Variants in DNAH8 observed in about 807,000 individuals in gnomAD.
DNAH8 encodes the protein axonemal beta dynein heavy chain 8.
DNAH8 carries 382 observed loss-of-function variants against 562.1 expected under a neutral mutation model. That is an observed-to-expected ratio of 0.68 (90% CI 0.63 to 0.74). The LOEUF (loss-of-function observed/expected upper bound fraction) is 0.74. Among genes scored for constraint, DNAH8 ranks in the 30% least tolerant of loss-of-function variants. DNAH8 has a pLI of 0.00. For missense variants in DNAH8, 5,203 were observed against 5,620.4 expected, an observed-to-expected ratio of 0.93 and a Z score of 2.37; for synonymous variants, 1,881 against 1,919.4, an observed-to-expected ratio of 0.98 and a Z score of 0.52.
At position 38,790,320 on chromosome 6, in the gene DNAH8, T is replaced by C. The variant is rs1238710633; in HGVS notation, c.2696T>C (p.Val899Ala). ...TCTGTGTTGAGGCAAGGACTCACAG[T>C]GTTAACATGGTCGTCTTTAACACTG... ...VESVLRQGLT[V>A]LTWSSLTLES... Residue 899 changes from valine to alanine, a missense_variant, in exon 20 of 93, where the codon GTG becomes GCG. Physicochemically the swap from Val to Ala is moderately conservative, Grantham distance 64. This residue lies in a region of DNAH8 where 2,176 missense variants were observed against 2,365.1 expected (regional missense o/e 0.92). Transcript: ENST00000327475. The C allele has an allele frequency of 6.2e-7, 1 of 1,609,164 alleles. No individual in the cohort carries two copies. Among genetic ancestry groups the C allele is most frequent in the East Asian group, 2.2e-5 (1 of 44,802 alleles).
intron 91 of DNAH8, among the ~76,000 whole-genome samples, chr6:39,013,406 G>A (rs888678990): frequency 6.6e-6 from 1 of 152,170 alleles, no homozygotes; most frequent in African/African-American, 2.4e-5. Context: ...CAATATAGGT[G>A]CATCTCATAA....
chr6:38,988,063 A>G (rs1291525663), intron 87 of DNAH8, among the ~76,000 whole-genome samples: 2 of 152,134 alleles, frequency 1.3e-5, no homozygotes, highest in Non-Finnish European at 2.9e-5. Context: ...AGAGTTGCCC[A>G]TGGGAGAAGC....
chr6:38,871,654 C>T (rs960855567), intron 49 of DNAH8, among the ~76,000 whole-genome samples: 9 of 152,086 alleles, frequency 5.9e-5, no homozygotes, highest in African/African-American at 2.2e-4. Flanking sequence ...AAACTGCAGA[C>T]GGGATGTTAT....
chr6:38,819,532 T>A (rs2150329543), intron 26 of DNAH8, among the ~76,000 whole-genome samples: 1 of 152,312 alleles, frequency 6.6e-6, no homozygotes, highest in Admixed American at 6.5e-5. Context: ...AAGACAGATT[T>A]TCCAATAATG....
chr6:38,995,179 A>AT (rs1765057585), intron 88 of DNAH8, among the ~76,000 whole-genome samples: 1 of 151,550 alleles, frequency 6.6e-6, no homozygotes. Context: ...GAATCACATG[A>AT]TTTTCCCCTA....
At chr6:38,856,973 T>G (rs1025661320) in intron 41 of DNAH8, among the ~76,000 whole-genome samples, 6 of 152,140 alleles carry the variant, frequency 3.9e-5, no homozygotes, top group Non-Finnish European at 7.4e-5. Context: ...CTTTATGACT[T>G]CATCAGGATA....
intron 88 of DNAH8, among the ~76,000 whole-genome samples, chr6:39,005,927 C>T (rs1170648949): frequency 2.0e-5 from 3 of 152,264 alleles, no homozygotes; most frequent in African/African-American, 4.8e-5. Context: ...AGTCCAAGGG[C>T]GGGAGGGATT....
chr6:38,957,231 T>G (rs1264479858), intron 82 of DNAH8, among the ~76,000 whole-genome samples: 3 of 151,370 alleles, frequency 2.0e-5, no homozygotes, highest in Non-Finnish European at 4.4e-5. Flanking sequence ...AGTGCATGTG[T>G]GCATACACAC....
chr6:38,815,712 A>G (rs370689307), intron 26 of DNAH8, 55 bp downstream of exon 26: 3 of 1,417,852 alleles, frequency 2.1e-6, no homozygotes, highest in East Asian at 2.5e-5. Context: ...ATTTGATAGC[A>G]TATAGATTTT....
chr6:38,736,591 G>A (rs973359238), intron 5 of DNAH8, among the ~76,000 whole-genome samples: 2 of 152,020 alleles, frequency 1.3e-5, no homozygotes, highest in African/African-American at 4.8e-5. Context: ...GGATTTCTAA[G>A]TCACTTAAGA....
chr6:38,954,112 A>G (rs1762094960), intron 82 of DNAH8, among the ~76,000 whole-genome samples: 1 of 152,210 alleles, frequency 6.6e-6, no homozygotes, highest in Admixed American at 6.5e-5. Flanking sequence ...TGTACTGGTC[A>G]AGATCTGTAG....
At chr6:38,825,031 A>C (rs1773190183) in intron 28 of DNAH8, among the ~76,000 whole-genome samples, 1 of 152,212 alleles carries the variant, frequency 6.6e-6, no homozygotes, top group African/African-American at 2.4e-5. Context: ...CAATACAAAA[A>C]GCAACTGTAG....
At chr6:38,845,520 C>T in intron 35 of DNAH8, 54 bp from the exon 36 acceptor site, 1 of 1,408,260 alleles carries the variant, frequency 7.1e-7, no homozygotes, top group East Asian at 2.3e-5. Context: ...TTTGATGATG[C>T]ACTTAATTTG....
At chr6:38,819,085 C>G (rs1008547338) in intron 26 of DNAH8, among the ~76,000 whole-genome samples, 1 of 152,186 alleles carries the variant, frequency 6.6e-6, no homozygotes, top group Non-Finnish European at 1.5e-5. Context: ...TAGCTTCCCC[C>G]ACAAAGGGCT....
chr6:38,786,795 C>A lies in DNAH8; in HGVS notation c.2426C>A (p.Pro809Gln). Reference protein sequence around the residue: ...ALQATLFVRHPETGKLLVNFD... With the variant: ...ALQATLFVRHQETGKLLVNFD... ...CAAGCCACGCTTTTTGTGCGACATC[C>A]AGAAACAGGGAAGTTGCTGGTTAAT... The change falls in exon 18 of 93, where the codon CCA becomes CAA. Residue 809 changes from proline to glutamine, a missense_variant. By Grantham distance (76) the Pro-to-Gln change is moderately conservative. This residue lies in a region of DNAH8 where 2,176 missense variants were observed against 2,365.1 expected (regional missense o/e 0.92). Transcript: ENST00000327475. 1 of 1,611,748 alleles carries A rather than the reference C, an allele frequency of 6.2e-7. No homozygotes were observed. Among genetic ancestry groups the A allele is most frequent in the South Asian group, 1.1e-5 (1 of 90,472 alleles).
At position 38,781,280 on chromosome 6, in the gene DNAH8, C is replaced by G. The variant is rs575403101; in HGVS notation, c.2166C>G (p.Pro722=). 9 of 1,613,378 alleles carry G rather than the reference C, an allele frequency of 5.6e-6. No homozygotes were observed. The African/African-American group carries it at 1.2e-4, about 22-fold the overall frequency. The change falls in exon 16 of 93, where the codon CCC becomes CCG. Residue 722 remains proline, a synonymous_variant. Transcript: ENST00000327475. ...KKLYHSQKDD[P]PLARNMPPIA... is the part of the protein sequence containing the mutation. ...TTTATCATTCTCAGAAAGATGACCC[C>G]CCTCTTGCTCGCAACATGCCCCCTA... is the stretch of plus-strand genomic sequence containing the variant.
chr6:39,016,105 C>A lies in DNAH8; in HGVS notation c.13714+3468C>A, dbSNP rs16891431. Among the ~76,000 whole-genome samples, 1,694 of 152,320 alleles carry A rather than the reference C, an allele frequency of 0.011. 110 individuals carry two copies. In the East Asian group the frequency reaches 0.16, roughly 14 times the overall value. ...TGTGCAAACAGATAGAGTCCTTTCC[C>A]ACTGGAAGCCTCGCTGGACACTATT... On this transcript the variant is annotated intron_variant, in intron 91 of 92. Coordinates refer to ENST00000327475, the MANE Select transcript of DNAH8 (RefSeq NM_001206927.2).
chr6:38,863,818 T>C (rs1776826621), intron 44 of DNAH8, 55 bp from the exon 45 acceptor site: 1 of 1,412,200 alleles, frequency 7.1e-7, no homozygotes, highest in Middle Eastern at 1.8e-4. Flanking sequence ...ATGATTGTTA[T>C]CAAGAAGGTA....
At chr6:38,944,137 G>A (rs1414796810) in intron 79 of DNAH8, among the ~76,000 whole-genome samples, 1 of 150,678 alleles carries the variant, frequency 6.6e-6, no homozygotes, top group Non-Finnish European at 1.5e-5. Context: ...TTGTCTCTGT[G>A]CCAGGCCTGC....
Sources: allele counts gnomAD v4.1 joint callset (sites outside exome capture counted in the v4.1 genomes callset), GRCh38; gene constraint gnomAD v4.1.1; regional missense constraint gnomAD v4.1.1; transcripts MANE v1.5; gene names NCBI Gene and HGNC (gene_info 2026-07-23, HGNC 2026-07-21).